Variants in UNC13C observed in about 807,000 individuals in gnomAD.
UNC13C encodes the protein protein unc-13 homolog C.
Under a neutral mutation model 245.4 loss-of-function variants are expected in UNC13C, and 174 were observed. That is an observed-to-expected ratio of 0.71 (90% CI 0.63 to 0.80). The LOEUF (loss-of-function observed/expected upper bound fraction) is 0.80, where lower values mean the gene tolerates loss of function less well. Among genes scored for constraint, UNC13C ranks in the 30% least tolerant of loss-of-function variants. UNC13C has a pLI of 0.00. For missense variants in UNC13C, 2,829 were observed against 2,602.9 expected, an observed-to-expected ratio of 1.09 and a Z score of -1.89; for synonymous variants, 992 against 895.1, an observed-to-expected ratio of 1.11 and a Z score of -1.93.
the UNC13C span, among the ~76,000 whole-genome samples, chr15:53,931,511 T>G: frequency 6.6e-6 from 1 of 151,928 alleles, no homozygotes; most frequent in Non-Finnish European, 1.5e-5. Flanking sequence ...ACAAGGTGGG[T>G]GGGGTGTATG....
chr15:54,171,783 T>C (rs2033407899), intron 4 of UNC13C, among the ~76,000 whole-genome samples: 2 of 152,032 alleles, frequency 1.3e-5, no homozygotes, highest in South Asian at 4.1e-4. Context: ...AAATTGGTAT[T>C]TCAAAGAGAT....
the UNC13C span, among the ~76,000 whole-genome samples, chr15:53,959,415 A>G: frequency 6.6e-6 from 1 of 152,130 alleles, no homozygotes; most frequent in Non-Finnish European, 1.5e-5. Context: ...TTAACAGTGT[A>G]TAAGACTTCT....
chr15:54,505,069 T>A (rs1423025273), intron 22 of UNC13C, among the ~76,000 whole-genome samples: 1 of 152,170 alleles, frequency 6.6e-6, no homozygotes, highest in East Asian at 1.9e-4. Flanking sequence ...AATCTGGAAC[T>A]TTTTGAATAG....
intron 1 of UNC13C, among the ~76,000 whole-genome samples, chr15:53,981,877 A>T (rs922494817): frequency 2.0e-5 from 3 of 152,210 alleles, no homozygotes; most frequent in Non-Finnish European, 2.9e-5. Context: ...GTTGTGATGC[A>T]GTAGGCATAA....
chr15:54,607,919 A>C (rs1899859132), intron 30 of UNC13C, among the ~76,000 whole-genome samples: 1 of 152,194 alleles, frequency 6.6e-6, no homozygotes, highest in African/African-American at 2.4e-5. Flanking sequence ...GGGGACACAG[A>C]ACCAAACCAT....
At chr15:54,026,690 C>A (rs1346984584) in intron 2 of UNC13C, among the ~76,000 whole-genome samples, 5 of 152,178 alleles carry the variant, frequency 3.3e-5, no homozygotes, top group African/African-American at 1.2e-4. Context: ...TGATTAGTTC[C>A]ATTGGCTACA....
At chr15:54,624,083 C>G (rs74014271) in intron 32 of UNC13C, 129 bp downstream of exon 32, 57,529 of 1,130,022 alleles carry the variant, frequency 0.051, 2,500 homozygotes, top group African/African-American at 0.16. Flanking sequence ...CCCTTCCATT[C>G]ATTCAATATC....
At position 54,268,127 on chromosome 15, in the gene UNC13C, C is replaced by A. The variant is rs559212580; in HGVS notation, c.3818+2631C>A. Among the ~76,000 whole-genome samples, 15 of 151,980 alleles carry A rather than the reference C, an allele frequency of 9.9e-5. No individual in the cohort carries two copies. The South Asian group carries it at 3.1e-3, about 32-fold the overall frequency. ...TCTCCCTCCACTTGCGCCCCACCCC[C>A]CAACTTTACTTAATTTTTTTTTTCT... is the stretch of plus-strand genomic sequence containing the variant. On this transcript the variant is annotated intron_variant, in intron 10 of 32. Coordinates refer to ENST00000260323, the MANE Select transcript of UNC13C (RefSeq NM_001080534.3).
chr15:54,560,157 T>G (rs2141205494), intron 29 of UNC13C, among the ~76,000 whole-genome samples: 1 of 152,116 alleles, frequency 6.6e-6, no homozygotes, highest in African/African-American at 2.4e-5. Context: ...CTGCCTGGAT[T>G]TGCCGAAAAT....
intron 17 of UNC13C, among the ~76,000 whole-genome samples, chr15:54,378,617 T>C (rs891878816): frequency 1.3e-5 from 2 of 151,428 alleles, no homozygotes; most frequent in Non-Finnish European, 2.9e-5. Flanking sequence ...AATATAGAAA[T>C]ATATATGTAT....
chr15:54,035,525 G>A (rs1896541533), intron 2 of UNC13C, among the ~76,000 whole-genome samples: 1 of 152,020 alleles, frequency 6.6e-6, no homozygotes, highest in South Asian at 2.1e-4. Context: ...CTTCTGTATG[G>A]GAAGCTCCCT....
intron 10 of UNC13C, among the ~76,000 whole-genome samples, chr15:54,275,251 G>T (rs552633252): frequency 6.6e-6 from 1 of 152,110 alleles, no homozygotes; most frequent in Non-Finnish European, 1.5e-5. Flanking sequence ...AGAACACTTT[G>T]CCCAACAAGA....
chr15:54,152,114 T>A (rs910143478), intron 4 of UNC13C, among the ~76,000 whole-genome samples: 6 of 152,174 alleles, frequency 3.9e-5, no homozygotes, highest in Non-Finnish European at 8.8e-5. Context: ...ATTAGAAAAC[T>A]AAGGCCATCA....
chr15:53,902,822 C>CA, the UNC13C span, among the ~76,000 whole-genome samples: 1 of 151,880 alleles, frequency 6.6e-6, no homozygotes, highest in Non-Finnish European at 1.5e-5. Flanking sequence ...TCAACAATAG[C>CA]AAAAAGGCCA....
chr15:54,013,023 G>A lies in UNC13C; in HGVS notation c.120G>A (p.Lys40=), dbSNP rs774454223. 1.2e-6 allele frequency: 2 copies of A among 1,613,798 alleles called. No individual in the cohort carries two copies. The highest frequency in any genetic ancestry group is 2.2e-5 in the South Asian group (2 of 91,078). The part of the protein sequence containing the change: ...NKNKEYRQQK[K]DQDFPTAGQT... ...ACAAAGAGTATCGTCAGCAGAAAAA[G>A]GATCAAGACTTCCCCACTGCTGGCC... Residue 40 remains lysine (K), a synonymous_variant, in exon 2 of 33, where the codon AAG becomes AAA. Coordinates refer to ENST00000260323, the MANE Select transcript of UNC13C (RefSeq NM_001080534.3).
the UNC13C span, among the ~76,000 whole-genome samples, chr15:53,906,988 C>G: frequency 3.9e-5 from 6 of 152,062 alleles, no homozygotes; most frequent in African/African-American, 1.4e-4. Context: ...CAACCACCCC[C>G]CTCTCTCGAC....
intron 20 of UNC13C, among the ~76,000 whole-genome samples, chr15:54,498,731 ATAT>A (rs1456482855): frequency 6.6e-6 from 1 of 152,178 alleles, no homozygotes; most frequent in Non-Finnish European, 1.5e-5. Context: ...CAACTATAAA[ATAT>A]TATGAGAGAA....
At chr15:54,536,180 C>A (rs1467859293) in intron 26 of UNC13C, among the ~76,000 whole-genome samples, 1 of 151,876 alleles carries the variant, frequency 6.6e-6, no homozygotes, top group East Asian at 1.9e-4. Context: ...ATCCAGATAA[C>A]CCTCAGAGAC....
At chr15:54,342,887 C>T (rs749144544) in intron 17 of UNC13C, among the ~76,000 whole-genome samples, 6 of 152,136 alleles carry the variant, frequency 3.9e-5, no homozygotes, top group Non-Finnish European at 7.4e-5. Flanking sequence ...ATAACTTTAG[C>T]TTATCAACTC....
Sources: allele counts gnomAD v4.1 joint callset (sites outside exome capture counted in the v4.1 genomes callset), GRCh38; gene constraint gnomAD v4.1.1; transcripts MANE v1.5; gene names NCBI Gene and HGNC (gene_info 2026-07-23, HGNC 2026-07-21).